The following AIMP1 variants were observed in gnomAD, a reference collection of about 807,000 sequenced individuals.
AIMP1 encodes aminoacyl tRNA synthetase complex interacting multifunctional protein 1, also known as aminoacyl tRNA synthase complex-interacting multifunctional protein 1.
In AIMP1, 24 loss-of-function variants were observed where a neutral mutation model predicts 33.1. The ratio of observed to expected loss-of-function variants is 0.73; its 90% CI spans 0.53 to 1.02. The LOEUF is 1.02. Ranked by LOEUF, AIMP1 falls within the 50% of genes least tolerant of loss-of-function variation. The pLI, the probability that AIMP1 is intolerant of heterozygous loss-of-function variation, is 0.00. For missense variants in AIMP1, 367 were observed against 364.8 expected, an observed-to-expected ratio of 1.01 and a Z score of -0.05; for synonymous variants, 120 against 121.5, an observed-to-expected ratio of 0.99 and a Z score of 0.08.
chr4:106,330,870 A>G (rs1025324107), intron 4 of AIMP1, among the ~76,000 whole-genome samples: 1 of 152,198 alleles, frequency 6.6e-6, no homozygotes, highest in Non-Finnish European at 1.5e-5. Context: ...CTAATTGTAA[A>G]CTTAAAGAAT....
intron 5 of AIMP1, among the ~76,000 whole-genome samples, chr4:106,333,271 T>C (rs1655376141): frequency 6.6e-6 from 1 of 152,210 alleles, no homozygotes; most frequent in Non-Finnish European, 1.5e-5. Flanking sequence ...GTTTTTTCTG[T>C]CTAGGATTCC....
At chr4:106,337,663 G>A (rs1484472260) in intron 6 of AIMP1, among the ~76,000 whole-genome samples, 1 of 152,218 alleles carries the variant, frequency 6.6e-6, no homozygotes, top group African/African-American at 2.4e-5. Flanking sequence ...CTGCTGTAAA[G>A]ATATCCGAAA....
rs547035296 is a variant in AIMP1 at position 106,329,820 on chromosome 4, C to T, written c.391+1577C>T. Among the ~76,000 whole-genome samples the T allele has an allele frequency of 8.0e-5, 9 of 112,136 alleles. No individual in the cohort carries two copies. The South Asian group carries it at 2.5e-3, about 31-fold the overall frequency. 73.6% of individuals were successfully genotyped at this position (112,136 alleles called of 152,430 possible). On this transcript the variant is annotated intron_variant, in intron 4 of 6. Coordinates refer to ENST00000672341, the MANE Select transcript of AIMP1 (RefSeq NM_001142416.2). Reference sequence around the variant, plus strand: ...TTTTTTTTGGAGACGGAGTCTTGCTCTGTCACCCAGGCTGGAATACAGTGG... The same window carrying T: ...TTTTTTTTGGAGACGGAGTCTTGCTTTGTCACCCAGGCTGGAATACAGTGG...
intron 2 of AIMP1, among the ~76,000 whole-genome samples, chr4:106,326,927 A>G (rs558514839): frequency 6.6e-6 from 1 of 152,166 alleles, no homozygotes; most frequent in East Asian, 1.9e-4. Flanking sequence ...ACATGAATGT[A>G]CCACAACCCC....
upstream of AIMP1, chr4:106,316,137 T>TA (rs577680718): frequency 2.3e-3 from 362 of 159,236 alleles, 1 homozygote; most frequent in African/African-American, 8.4e-3. Context: ...CAGCCAAGGT[T>TA]AACCTTCGCG....
chr4:106,331,739 C>A lies in AIMP1; in HGVS notation c.459C>A (p.Ser153=), dbSNP rs762369579. Residue 153 remains serine, a synonymous_variant, in exon 5 of 7, where the codon TCC becomes TCA. Transcript: ENST00000672341. ...GSADSKPIDV[S]RLDLRIGCII... ...CCGACTCTAAGCCAATAGATGTTTC[C>A]CGTCTGGATCTTCGAATTGGTTGCA... 4.3e-5 allele frequency: 70 copies of A among 1,613,808 alleles called. No individual in the cohort carries two copies. The highest frequency in any genetic ancestry group is 5.6e-5 in the Non-Finnish European group (66 of 1,179,950).
chr4:106,322,228 T>G (rs1368671017), intron 1 of AIMP1, among the ~76,000 whole-genome samples: 2 of 151,642 alleles, frequency 1.3e-5, no homozygotes, highest in Non-Finnish European at 2.9e-5. Flanking sequence ...TCCACTATTG[T>G]CCTATGACCC....
At chr4:106,330,918 T>A (rs889342314) in intron 4 of AIMP1, among the ~76,000 whole-genome samples, 37 of 152,172 alleles carry the variant, frequency 2.4e-4, no homozygotes, top group African/African-American at 8.9e-4. Flanking sequence ...ACTCAGTAGC[T>A]AAAATAATCA....
At chr4:106,338,485 G>T (rs181569995) in intron 6 of AIMP1, among the ~76,000 whole-genome samples, 1 of 152,240 alleles carries the variant, frequency 6.6e-6, no homozygotes, top group Admixed American at 6.5e-5. Context: ...TTGCTTCAGA[G>T]AGTGCAAGCC....
intron 6 of AIMP1, among the ~76,000 whole-genome samples, chr4:106,343,985 A>G (rs1470317750): frequency 1.3e-5 from 2 of 152,178 alleles, no homozygotes; most frequent in African/African-American, 2.4e-5. Flanking sequence ...CATTTTAATC[A>G]GGTTTCTTTC....
At chr4:106,343,332 T>C (rs1770171168) in intron 6 of AIMP1, among the ~76,000 whole-genome samples, 1 of 152,200 alleles carries the variant, frequency 6.6e-6, no homozygotes, top group South Asian at 2.1e-4. Context: ...CTGATGTGAT[T>C]ATATAGGCAT....
chr4:106,316,318 A>T (rs1768864683), upstream of AIMP1: 4 of 494,228 alleles, frequency 8.1e-6, no homozygotes, highest in Non-Finnish European at 1.1e-5. Context: ...ACTGGCCACG[A>T]AAGGACATAT....
chr4:106,332,790 G>A (rs1769731811), intron 5 of AIMP1, among the ~76,000 whole-genome samples: 1 of 151,650 alleles, frequency 6.6e-6, no homozygotes, highest in Non-Finnish European at 1.5e-5. Flanking sequence ...TACCATTCAA[G>A]GTGGAGTTAG....
intron 6 of AIMP1, among the ~76,000 whole-genome samples, chr4:106,344,187 G>GT (rs1292474111): frequency 6.6e-6 from 1 of 151,846 alleles, no homozygotes; most frequent in African/African-American, 2.4e-5. Context: ...GATTCTTACT[G>GT]TTATAGGGCC....
chr4:106,336,197 G>A (rs1218719591), intron 5 of AIMP1, among the ~76,000 whole-genome samples: 2 of 149,108 alleles, frequency 1.3e-5, no homozygotes, highest in Admixed American at 6.7e-5. Flanking sequence ...CATGCCCAGC[G>A]AATTTTTTTA....
At chr4:106,321,833 C>T (rs1443319459) in intron 1 of AIMP1, among the ~76,000 whole-genome samples, 2 of 152,214 alleles carry the variant, frequency 1.3e-5, no homozygotes, top group African/African-American at 4.8e-5. Context: ...ATAGGAGACT[C>T]CATTTTGTTC....
In AIMP1 at chr4:106,347,677, C is replaced by T. The variant is rs773053923; in HGVS notation, c.924C>T (p.Asn308=). The part of the protein sequence containing the change: ...KGVCRAQTMS[N]SGIK Reference sequence around the variant, plus strand: ...TATGTAGGGCTCAAACCATGAGCAACAGTGGAATCAAATAAAATGCTTCCA... The same window carrying T: ...TATGTAGGGCTCAAACCATGAGCAATAGTGGAATCAAATAAAATGCTTCCA... Residue 308 remains asparagine (N), a synonymous_variant, in exon 7 of 7, where the codon AAC becomes AAT. Coordinates refer to ENST00000672341, the MANE Select transcript of AIMP1 (RefSeq NM_001142416.2). 1 of 1,612,810 alleles carries T rather than the reference C, an allele frequency of 6.2e-7. No individual in the cohort carries two copies. The highest frequency in any genetic ancestry group is 2.2e-5 in the East Asian group (1 of 44,784).
chr4:106,345,726 A>G (rs12642454), intron 6 of AIMP1, among the ~76,000 whole-genome samples: 22,630 of 151,602 alleles, frequency 0.15, 1,820 homozygotes, highest in South Asian at 0.25. Context: ...ATAGTTTCTG[A>G]AGAGCTAATA....
intron 1 of AIMP1, among the ~76,000 whole-genome samples, chr4:106,322,144 T>G (rs946855267): frequency 2.0e-5 from 3 of 152,188 alleles, no homozygotes; most frequent in African/African-American, 7.2e-5. Flanking sequence ...GGACAAACAC[T>G]GCAGAAGGCG....
Sources: gnomAD v4.1 joint callset for allele counts (sites outside exome capture counted in the v4.1 genomes callset) on GRCh38, gnomAD v4.1.1 for gene constraint, MANE v1.5 for transcripts, NCBI Gene and HGNC (gene_info 2026-07-23, HGNC 2026-07-21) for gene names.